Variants in CWC22 observed in about 807,000 individuals in gnomAD.
The protein encoded by CWC22 is pre-mRNA-splicing factor CWC22 homolog.
In CWC22, 53 loss-of-function variants were observed where a neutral mutation model predicts 117.2. The ratio of observed to expected loss-of-function variants is 0.45; its 90% CI spans 0.36 to 0.57. The LOEUF (loss-of-function observed/expected upper bound fraction) is 0.57, where lower values mean the gene tolerates loss of function less well. CWC22 is among the 20% of genes least tolerant of loss of function. CWC22 has a pLI of 0.00. For synonymous variants in CWC22, 360 were observed against 355.6 expected, an observed-to-expected ratio of 1.01 and a Z score of -0.14; for missense variants, 980 against 1,068.8, an observed-to-expected ratio of 0.92 and a Z score of 1.16.
chr2:179,967,083 G>C lies in CWC22; in HGVS notation c.1211-1101C>G, dbSNP rs1455036323. On this transcript the variant is annotated intron_variant, in intron 11 of 19. Transcript: ENST00000410053. ...ACATGGCTTAGACAGACTTTTAAAA[G>C]AAACTATTTAGTATTCAATAGTAGG... is the stretch of plus-strand genomic sequence containing the variant. Among the ~76,000 whole-genome samples the C allele has an allele frequency of 3.9e-5, 6 of 152,168 alleles. No homozygotes were observed. The East Asian group carries it at 1.2e-3, about 29-fold the overall frequency.
intron 11 of CWC22, among the ~76,000 whole-genome samples, 176 bp from the exon 12 acceptor site, chr2:179,966,158 C>T (rs1383689278): frequency 6.6e-6 from 1 of 151,906 alleles, no homozygotes; most frequent in Non-Finnish European, 1.5e-5. Flanking sequence ...AGCATTATAA[C>T]TGATTTGACT....
In CWC22 at chr2:179,981,885, A is replaced by T. The variant is rs748374124; in HGVS notation, c.319T>A (p.Ser107Thr). 1.8e-5 allele frequency: 29 copies of T among 1,610,176 alleles called. No homozygotes were observed. The East Asian group carries it at 5.4e-4, about 30-fold the overall frequency. The change falls in exon 5 of 20, where the codon TCC becomes ACC. Residue 107 changes from serine (S) to threonine (T), a missense_variant. Physicochemically the swap from Ser to Thr is moderately conservative, Grantham distance 58. Coordinates refer to ENST00000410053, the MANE Select transcript of CWC22 (RefSeq NM_020943.3). ...RNPETSVTQS[S>T]SAQDEPATKK... ...GTAGCAGGTTCATCCTGAGCAGAGG[A>T]ACTCTGAGTTACTGATGTTTCTGGG...
At chr2:179,951,531 A>T (rs10497552) in intron 17 of CWC22, among the ~76,000 whole-genome samples, 1 of 152,076 alleles carries the variant, frequency 6.6e-6, no homozygotes, top group South Asian at 2.1e-4. Flanking sequence ...TCACAGAAAA[A>T]GGTACAATAT....
In CWC22 at chr2:179,978,328, A is replaced by C. The variant is rs1179909025; in HGVS notation, c.453-10T>G. The C allele has an allele frequency of 1.4e-6, 2 of 1,457,754 alleles. 1 individual carries two copies. Among genetic ancestry groups the C allele is most frequent in the East Asian group, 5.3e-5 (2 of 38,018 alleles). The allele number at this position is 1,457,754 out of a possible 1,614,324, so 90.3% of individuals were successfully genotyped here. ...CCTCTGGTATGCTAAGCTAAAAAGA[A>C]GTGATTTTAATAAAGATTAAAACTT... On this transcript the variant is annotated splice_polypyrimidine_tract_variant and intron_variant, in intron 5 of 19. Transcript: ENST00000410053.
intron 15 of CWC22, among the ~76,000 whole-genome samples, chr2:179,954,594 G>C (rs934209365): frequency 6.6e-6 from 1 of 151,992 alleles, no homozygotes; most frequent in Non-Finnish European, 1.5e-5. Context: ...GATCACATGA[G>C]GGTAGAGCTT....
intron 1 of CWC22, among the ~76,000 whole-genome samples, chr2:179,995,528 T>G (rs1384524109): frequency 6.6e-6 from 1 of 152,220 alleles, no homozygotes; most frequent in African/African-American, 2.4e-5. Context: ...GGTGTTTTGA[T>G]TCCCAGGGCC....
At chr2:179,955,486 T>G (rs1686563651) in intron 14 of CWC22, among the ~76,000 whole-genome samples, 2 of 152,022 alleles carry the variant, frequency 1.3e-5, no homozygotes, top group Non-Finnish European at 1.5e-5. Flanking sequence ...AGGCAGATCA[T>G]TATTAGTCTT....
chr2:179,983,708 C>A (rs1443895108), intron 4 of CWC22, among the ~76,000 whole-genome samples: 4 of 152,064 alleles, frequency 2.6e-5, no homozygotes, highest in Non-Finnish European at 5.9e-5. Context: ...GGAGGATAGA[C>A]AATCTGTATA....
chr2:179,986,548 T>A, intron 4 of CWC22, 147 bp downstream of exon 4: 1 of 497,818 alleles, frequency 2.0e-6, no homozygotes, highest in Non-Finnish European at 3.5e-6. Context: ...AGAAGTTAAT[T>A]CATATAAAGC....
intron 16 of CWC22, 142 bp from the exon 17 acceptor site, chr2:179,952,740 C>A: frequency 2.2e-6 from 1 of 456,814 alleles, no homozygotes; most frequent in Non-Finnish European, 3.8e-6. Flanking sequence ...AATATCTCCC[C>A]TTATGCTGAC....
chr2:179,957,723 G>A (rs1380766096), intron 14 of CWC22, among the ~76,000 whole-genome samples: 2 of 151,996 alleles, frequency 1.3e-5, no homozygotes, highest in Non-Finnish European at 2.9e-5. Context: ...TGGCATCTGT[G>A]CCCGGTTTAC....
chr2:180,004,811 AAGTG>A (rs1201101484), intron 1 of CWC22, among the ~76,000 whole-genome samples: 1 of 151,966 alleles, frequency 6.6e-6, no homozygotes, highest in African/African-American at 2.4e-5. Flanking sequence ...GAACTCCAAA[AAGTG>A]ATTGGAGGTA....
chr2:179,971,658 C>T (rs1448464187), intron 8 of CWC22, among the ~76,000 whole-genome samples: 1 of 152,100 alleles, frequency 6.6e-6, no homozygotes, highest in African/African-American at 2.4e-5. Context: ...CAAACTATTA[C>T]TGGCCACGTT....
chr2:179,968,861 C>T (rs1238986611), intron 11 of CWC22, among the ~76,000 whole-genome samples: 2 of 152,130 alleles, frequency 1.3e-5, no homozygotes, highest in East Asian at 3.9e-4. Flanking sequence ...CCACCATGCC[C>T]GGCCCGTAAA....
At chr2:179,958,330 CAAAAAAAAA>C (rs11453659) in intron 14 of CWC22, among the ~76,000 whole-genome samples, 1 of 92,780 alleles carries the variant, frequency 1.1e-5, no homozygotes, top group Middle Eastern at 5.4e-3. Flanking sequence ...GACTCTGGCT[CAAAAAAAAA>C]AAAAAAAAAA....
chr2:179,951,747 G>C (rs1686454205), intron 17 of CWC22, among the ~76,000 whole-genome samples: 1 of 152,086 alleles, frequency 6.6e-6, no homozygotes, highest in Admixed American at 6.6e-5. Context: ...ATGAAGCCAA[G>C]AGAAGTGGAT....
intron 12 of CWC22, 29 bp from the exon 13 acceptor site, chr2:179,964,657 C>T: frequency 8.4e-7 from 1 of 1,184,784 alleles, no homozygotes; most frequent in East Asian, 2.6e-5. Flanking sequence ...AATTACACAA[C>T]TGCAAAAATA....
At chr2:179,946,171 C>G (rs533472807) in intron 19 of CWC22, among the ~76,000 whole-genome samples, 2 of 152,170 alleles carry the variant, frequency 1.3e-5, no homozygotes, top group African/African-American at 4.8e-5. Context: ...AGGCCAGGTA[C>G]AGTGGCTCAT....
chr2:179,973,394 C>A, intron 7 of CWC22, 148 bp from the exon 8 acceptor site: 1 of 683,846 alleles, frequency 1.5e-6, no homozygotes, highest in Non-Finnish European at 2.5e-6. Flanking sequence ...AAATAAAACA[C>A]ATGAAAGAGT....
Sources: allele counts gnomAD v4.1 joint callset (sites outside exome capture counted in the v4.1 genomes callset), GRCh38; gene constraint gnomAD v4.1.1; transcripts MANE v1.5; gene names NCBI Gene and HGNC (gene_info 2026-07-23, HGNC 2026-07-21).